The following CFAP20DC variants were observed in gnomAD, a reference collection of about 807,000 sequenced individuals.
CFAP20DC encodes the protein CFAP20 domain containing, also known as protein CFAP20DC.
A neutral mutation model predicts 101.7 loss-of-function variants in CFAP20DC; 84 were observed. The observed-to-expected ratio is 0.83, with a 90% confidence interval of 0.69 to 0.99. The LOEUF (loss-of-function observed/expected upper bound fraction) is 0.99. Among genes scored for constraint, CFAP20DC ranks in the 50% least tolerant of loss-of-function variants. The pLI is 0.00. For missense variants in CFAP20DC, 1,007 were observed against 970.3 expected (o/e 1.04, Z -0.50); for synonymous variants, 359 against 351.2 (o/e 1.02, Z -0.25).
downstream of CFAP20DC, among the ~76,000 whole-genome samples, chr3:58,740,832 A>G (rs1415991651): frequency 6.6e-6 from 1 of 152,220 alleles, no homozygotes; most frequent in Non-Finnish European, 1.5e-5. This position sits in a 1 kb window ranked among gnomAD's most constrained non-coding sequence, Gnocchi z 4.6. Flanking sequence ...AAGGCCTTCC[A>G]AGCCCTATTA....
At chr3:59,036,923 C>T (rs1480028545) in intron 4 of CFAP20DC, among the ~76,000 whole-genome samples, 1 of 151,986 alleles carries the variant, frequency 6.6e-6, no homozygotes, top group Admixed American at 6.6e-5. Context: ...GGTACTGGTA[C>T]CAAAACAGAT....
chr3:59,016,907 TA>T (rs2093701044), intron 4 of CFAP20DC, among the ~76,000 whole-genome samples: 2 of 152,238 alleles, frequency 1.3e-5, no homozygotes. Context: ...GTTAGCATCT[TA>T]GCAAGAATGC....
rs75976769 is a variant in CFAP20DC, at chr3:58,850,749, G to A, written c.1594-1340C>T. ...TTTGGTGTCTGACAATGCGTATCTTGACATTCAGTTTCAGTAAGCTATTCC... is the reference window on the plus strand; with the variant it reads ...TTTGGTGTCTGACAATGCGTATCTTAACATTCAGTTTCAGTAAGCTATTCC... On this transcript the variant is annotated intron_variant, in intron 12 of 16. Transcript: ENST00000482387. 6.5e-3 allele frequency among the ~76,000 whole-genome samples: 997 copies of A among 152,266 alleles called. 16 individuals are homozygous for A. Among genetic ancestry groups the A allele is most frequent in the African/African-American group, 0.023 (944 of 41,574 alleles).
At position 58,755,127 on chromosome 3, in the gene CFAP20DC, T is replaced by TA. The variant is rs1227635977; in HGVS notation, c.2238-1265dup. On this transcript the variant is annotated intron_variant, in intron 15 of 16. Coordinates refer to ENST00000482387, the MANE Select transcript of CFAP20DC (RefSeq NM_001394063.1). Reference sequence around the variant, plus strand: ...TTACAAACTATTTGCTTTTCCAGCATAAAAAGCATATTAATGTCAAAATTA... The same window carrying TA: ...TTACAAACTATTTGCTTTTCCAGCATAAAAAAGCATATTAATGTCAAAATTA... Among the ~76,000 whole-genome samples the TA allele has an allele frequency of 2.6e-5, 4 of 152,274 alleles. No homozygotes were observed. The East Asian group carries it at 7.7e-4, about 29-fold the overall frequency.
intron 15 of CFAP20DC, among the ~76,000 whole-genome samples, chr3:58,768,655 G>A (rs573451304): frequency 1.1e-4 from 17 of 152,124 alleles, no homozygotes; most frequent in African/African-American, 2.2e-4. Flanking sequence ...TTGTTTTTAC[G>A]GTAAAATCCC....
rs545425616 is a variant in CFAP20DC at position 58,944,631 on chromosome 3, A to T, written c.279-6869T>A. Among the ~76,000 whole-genome samples, 6 of 150,294 alleles carry T rather than the reference A, an allele frequency of 4.0e-5. No homozygotes were observed. The East Asian group carries it at 1.2e-3, about 29-fold the overall frequency. On this transcript the variant is annotated intron_variant, in intron 4 of 16. Coordinates refer to ENST00000482387, the MANE Select transcript of CFAP20DC (RefSeq NM_001394063.1). ...AGGATTCCCTGGTTTCTGTCCTTAT[A>T]GAGTTTACAGTATGGTGAGAACCAC...
Position 58,869,089 on chromosome 3 carries a change from A to G in CFAP20DC, c.1015+239T>C, listed in dbSNP as rs892529714. Among the ~76,000 whole-genome samples, 2 of 152,246 alleles carry G rather than the reference A, an allele frequency of 1.3e-5. No homozygotes were observed. Among genetic ancestry groups the G allele is most frequent in the Non-Finnish European group, 2.9e-5 (2 of 68,032 alleles). On this transcript the variant is annotated intron_variant, in intron 9 of 16. Coordinates refer to ENST00000482387, the MANE Select transcript of CFAP20DC (RefSeq NM_001394063.1). This position sits in a 1 kb window ranked among gnomAD's most constrained non-coding sequence, Gnocchi z 4.3. ...CTATTTTATTTCTACATCAGTTGCC[A>G]TAAAATAAAACACAGGGTATTATAG...
chr3:58,869,244 G>A lies in CFAP20DC; in HGVS notation c.1015+84C>T. On this transcript the variant is annotated intron_variant, in intron 9 of 16. Transcript: ENST00000482387. This position sits in a 1 kb window ranked among gnomAD's most constrained non-coding sequence, Gnocchi z 4.3. ...TTCTCTAGACTTAAGATCTAGACTTGAATATAACTGCTGATTTATCTTAAC... is the reference window on the plus strand; with the variant it reads ...TTCTCTAGACTTAAGATCTAGACTTAAATATAACTGCTGATTTATCTTAAC... The A allele has an allele frequency of 8.9e-7, 1 of 1,123,434 alleles. No individual in the cohort carries two copies. Among genetic ancestry groups the A allele is most frequent in the Non-Finnish European group, 1.3e-6 (1 of 790,318 alleles). The allele number at this position is 1,123,434 out of a possible 1,614,324, so 69.6% of individuals were successfully genotyped here.
chr3:58,730,995 G>C (rs1428678635), intron 3 of CFAP20DC, among the ~76,000 whole-genome samples: 1 of 152,108 alleles, frequency 6.6e-6, no homozygotes, highest in Non-Finnish European at 1.5e-5. Context: ...TGCCATGACA[G>C]GCCCTAAGTA....
intron 12 of CFAP20DC, among the ~76,000 whole-genome samples, chr3:58,857,216 A>G (rs945041776): frequency 6.6e-6 from 1 of 152,244 alleles, no homozygotes; most frequent in Non-Finnish European, 1.5e-5. Flanking sequence ...TATTTTGGGA[A>G]TTTAGAGGGC....
intron 4 of CFAP20DC, among the ~76,000 whole-genome samples, chr3:59,033,559 G>A (rs903121147): frequency 6.6e-5 from 10 of 151,932 alleles, no homozygotes; most frequent in African/African-American, 2.4e-4. Context: ...AGCGTACACA[G>A]CTATCAACAG....
At chr3:59,005,834 AGATT>A (rs1260631725) in intron 4 of CFAP20DC, among the ~76,000 whole-genome samples, 5 of 152,212 alleles carry the variant, frequency 3.3e-5, no homozygotes, top group Admixed American at 6.5e-5. Context: ...TTTCATTTCT[AGATT>A]TGATGAGGCT....
At chr3:58,839,697 A>G (rs2076969775) in intron 13 of CFAP20DC, among the ~76,000 whole-genome samples, 1 of 152,222 alleles carries the variant, frequency 6.6e-6, no homozygotes, top group Non-Finnish European at 1.5e-5. Flanking sequence ...AGTGTTGGCT[A>G]AACAGCCAAC....
chr3:58,794,385 A>G (rs1439451653), intron 15 of CFAP20DC: 1 of 453,194 alleles, frequency 2.2e-6, no homozygotes, highest in Non-Finnish European at 4.4e-6. Context: ...GATAGTGTTA[A>G]TTCAGTCAAA....
intron 3 of CFAP20DC, among the ~76,000 whole-genome samples, chr3:58,735,127 T>C (rs2067721892): frequency 6.6e-6 from 1 of 152,156 alleles, no homozygotes; most frequent in African/African-American, 2.4e-5. Context: ...ATAAAACAGA[T>C]ACACACAGAC....
At chr3:58,801,404 A>G (rs2073691024) in intron 15 of CFAP20DC, among the ~76,000 whole-genome samples, 1 of 152,238 alleles carries the variant, frequency 6.6e-6, no homozygotes, top group African/African-American at 2.4e-5. Context: ...TTAGTTAATA[A>G]GGAAATCCTC....
chr3:58,819,024 C>T (rs2107883326), intron 14 of CFAP20DC, among the ~76,000 whole-genome samples: 1 of 151,132 alleles, frequency 6.6e-6, no homozygotes, highest in Non-Finnish European at 1.5e-5. Flanking sequence ...AACTGAACAA[C>T]CTGCTCCTGA....
intron 14 of CFAP20DC, among the ~76,000 whole-genome samples, chr3:58,806,751 G>A (rs183497747): frequency 3.9e-5 from 6 of 152,348 alleles, no homozygotes; most frequent in African/African-American, 9.6e-5. Flanking sequence ...TGTGCGAGCC[G>A]AAGCAGGGCG....
intron 15 of CFAP20DC, among the ~76,000 whole-genome samples, chr3:58,775,625 C>A (rs997947016): frequency 2.0e-5 from 3 of 151,982 alleles, no homozygotes; most frequent in Non-Finnish European, 4.4e-5. Context: ...GAAGGGTAAA[C>A]ATGGTATATA....
Sources: gnomAD v4.1 joint callset for allele counts (sites outside exome capture counted in the v4.1 genomes callset) on GRCh38, gnomAD v4.1.1 for gene constraint, Gnocchi (gnomAD v3.1) non-coding constraint, MANE v1.5 for transcripts, NCBI Gene and HGNC (gene_info 2026-07-23, HGNC 2026-07-21) for gene names.